NCALD: variants seen among roughly 807,000 people sequenced by gnomAD.
NCALD encodes the protein neurocalcin-delta.
In NCALD, 10 loss-of-function variants were observed where a neutral mutation model predicts 18.6. The ratio of observed to expected loss-of-function variants is 0.54; its 90% CI spans 0.33 to 0.91. The LOEUF is 0.91. NCALD is among the 40% of genes least tolerant of loss of function. The pLI, the probability that NCALD is intolerant of heterozygous loss-of-function variation, is 0.03. For missense variants in NCALD, 184 were observed against 247.6 expected (o/e 0.74, Z 1.72); for synonymous variants, 88 against 87.4 (o/e 1.01, Z -0.04).
At chr8:101,763,358 A>C (rs889761668) in intron 1 of NCALD, among the ~76,000 whole-genome samples, 4 of 152,084 alleles carry the variant, frequency 2.6e-5, no homozygotes, top group African/African-American at 9.7e-5. Context: ...AAATTTTCTG[A>C]CAGGTTGTAA....
intron 4 of NCALD, among the ~76,000 whole-genome samples, chr8:101,872,804 G>A (rs1816074239): frequency 6.6e-6 from 1 of 152,148 alleles, no homozygotes; most frequent in African/African-American, 2.4e-5. Context: ...ATGTCATGGA[G>A]GAGCTAACCT....
intron 1 of NCALD, among the ~76,000 whole-genome samples, chr8:101,739,111 A>G (rs1338318516): frequency 2.6e-5 from 4 of 151,780 alleles, no homozygotes; most frequent in Non-Finnish European, 4.4e-5. Flanking sequence ...ATCCTCTCAT[A>G]TCTTCACGGC....
intron 4 of NCALD, among the ~76,000 whole-genome samples, chr8:101,804,783 A>G (rs934938673): frequency 6.0e-5 from 9 of 150,808 alleles, no homozygotes; most frequent in Non-Finnish European, 8.9e-5. Context: ...TAGTATAAAC[A>G]TAACTTTTAT....
At chr8:101,699,508 A>T (rs903912834) in intron 2 of NCALD, among the ~76,000 whole-genome samples, 1 of 152,216 alleles carries the variant, frequency 6.6e-6, no homozygotes, top group Non-Finnish European at 1.5e-5. Flanking sequence ...TATGTAATCA[A>T]CCCAAATTCC....
intron 1 of NCALD, among the ~76,000 whole-genome samples, chr8:101,789,614 A>G (rs910950243): frequency 5.9e-5 from 9 of 152,236 alleles, no homozygotes; most frequent in African/African-American, 1.7e-4. Flanking sequence ...AAATTACGAT[A>G]TAATTCACAC....
chr8:101,759,783 C>T (rs979230440), intron 1 of NCALD, among the ~76,000 whole-genome samples: 1 of 152,172 alleles, frequency 6.6e-6, no homozygotes, highest in African/African-American at 2.4e-5. Context: ...TGTACAGCTA[C>T]TCCCAAAACT....
chr8:101,855,719 G>A (rs1229633592), intron 4 of NCALD, among the ~76,000 whole-genome samples: 5 of 152,098 alleles, frequency 3.3e-5, no homozygotes. Context: ...ATGACATTAT[G>A]GGTGAAGAGA....
rs117013623 is a variant in NCALD at position 101,832,754 on chromosome 8, G to A, written c.-20+54387C>T. Among the ~76,000 whole-genome samples the A allele has an allele frequency of 9.6e-4, 146 of 152,164 alleles. 1 individual carries two copies. The East Asian group carries it at 0.019, about 20-fold the overall frequency. ...TGAAAATGCCAACATAAATATTGTG[G>A]GCTTTGCCCTCCAGCTTTCTTGTGG... On this transcript the variant is annotated intron_variant, in intron 4 of 6. Coordinates refer to the NCALD transcript ENST00000311028.
chr8:101,929,369 A>G (rs1586771107), intron 2 of NCALD, among the ~76,000 whole-genome samples: 2 of 28,064 alleles, frequency 7.1e-5, no homozygotes, highest in Non-Finnish European at 1.3e-4. Flanking sequence ...AATGGAAGGG[A>G]GGAGGGAAGG....
chr8:101,699,610 A>G (rs1815163557), intron 2 of NCALD, among the ~76,000 whole-genome samples: 1 of 152,362 alleles, frequency 6.6e-6, no homozygotes, highest in East Asian at 1.9e-4. Context: ...TGTCCTTTGC[A>G]GGGACATGGA....
At chr8:101,879,583 A>T (rs1039440924) in intron 4 of NCALD, among the ~76,000 whole-genome samples, 6 of 152,220 alleles carry the variant, frequency 3.9e-5, no homozygotes, top group African/African-American at 1.4e-4. Context: ...TCAACGGGTT[A>T]CAACGGCTAG....
At chr8:101,964,619 T>C (rs1412861046) in intron 2 of NCALD, among the ~76,000 whole-genome samples, 1 of 152,150 alleles carries the variant, frequency 6.6e-6, no homozygotes, top group African/African-American at 2.4e-5. Context: ...ACCCAGAGAC[T>C]TACCTGTGTA....
At chr8:101,813,392 C>A (rs951690689) in intron 4 of NCALD, among the ~76,000 whole-genome samples, 1 of 151,996 alleles carries the variant, frequency 6.6e-6, no homozygotes, top group Non-Finnish European at 1.5e-5. Context: ...GTAAGGAGCA[C>A]ATGATGAACT....
chr8:102,059,087 A>G (rs1823753391), intron 1 of NCALD, among the ~76,000 whole-genome samples: 1 of 152,228 alleles, frequency 6.6e-6, no homozygotes, highest in Non-Finnish European at 1.5e-5. Context: ...ACAGTTATAA[A>G]TTTGTATTGT....
upstream of NCALD, among the ~76,000 whole-genome samples, chr8:101,791,622 G>T (rs995779994): frequency 2.0e-5 from 3 of 152,154 alleles, no homozygotes; most frequent in African/African-American, 7.2e-5. Context: ...GTAGGATGTA[G>T]ACATCAGATA....
chr8:101,841,916 G>A (rs905825130), intron 4 of NCALD, among the ~76,000 whole-genome samples: 6 of 152,102 alleles, frequency 3.9e-5, no homozygotes, highest in East Asian at 3.9e-4. Context: ...GAAAGAATAC[G>A]GGGGAAATGA....
intron 2 of NCALD, among the ~76,000 whole-genome samples, chr8:101,937,115 G>C (rs1818791556): frequency 6.6e-6 from 1 of 152,080 alleles, no homozygotes; most frequent in Non-Finnish European, 1.5e-5. Flanking sequence ...TAACCAAGAA[G>C]AACCTAACAA....
intron 4 of NCALD, among the ~76,000 whole-genome samples, chr8:101,882,679 T>C (rs1030278068): frequency 1.3e-5 from 2 of 152,214 alleles, no homozygotes; most frequent in Admixed American, 6.5e-5. Context: ...TGCCTCCCTT[T>C]GATATAATGA....
intron 3 of NCALD, among the ~76,000 whole-genome samples, chr8:101,912,881 G>T (rs192805392): frequency 6.6e-6 from 1 of 152,344 alleles, no homozygotes; most frequent in East Asian, 1.9e-4. Flanking sequence ...TGCAATGGGA[G>T]TTTCTCCTGC....
Sources: allele counts gnomAD v4.1 joint callset (sites outside exome capture counted in the v4.1 genomes callset), GRCh38; gene constraint gnomAD v4.1.1; transcripts MANE v1.5; gene names NCBI Gene and HGNC (gene_info 2026-07-23, HGNC 2026-07-21).